Variants in NRXN3 observed in about 807,000 individuals in gnomAD.
NRXN3 encodes neurexin III.
Under a neutral mutation model 137.6 loss-of-function variants are expected in NRXN3, and 32 were observed. The observed-to-expected ratio is 0.23, with a 90% CI of 0.18 to 0.31. The LOEUF is 0.31. NRXN3 is among the 10% of genes least tolerant of loss of function. NRXN3 has a pLI of 1.00. For missense variants in NRXN3, 1,574 were observed against 2,062.5 expected (o/e 0.76, Z 4.59); for synonymous variants, 798 against 784.5 (o/e 1.02, Z -0.29).
chr14:78,585,240 G>A (rs1021783217), intron 4 of NRXN3, among the ~76,000 whole-genome samples: 3 of 152,050 alleles, frequency 2.0e-5, no homozygotes, highest in Admixed American at 1.3e-4. Flanking sequence ...GAGCCAAAAG[G>A]CTATCAGGGC....
chr14:79,287,681 T>C (rs187971253), intron 15 of NRXN3, among the ~76,000 whole-genome samples: 156 of 152,304 alleles, frequency 1.0e-3, no homozygotes, highest in African/African-American at 3.7e-3. Context: ...AAGCCTGAAT[T>C]TGAAACAGAA....
chr14:79,253,348 A>G (rs1446387421), intron 15 of NRXN3, among the ~76,000 whole-genome samples: 5 of 152,158 alleles, frequency 3.3e-5, no homozygotes, highest in Non-Finnish European at 5.9e-5. Context: ...TGTGGGGAAT[A>G]CAGTAAAAGC....
chr14:79,387,451 C>G (rs1291656129), intron 15 of NRXN3, among the ~76,000 whole-genome samples: 1 of 151,784 alleles, frequency 6.6e-6, no homozygotes, highest in Admixed American at 6.6e-5. Context: ...AGTTAGGAAA[C>G]AACAGATGCT....
At chr14:79,239,093 C>T (rs1013070708) in intron 15 of NRXN3, among the ~76,000 whole-genome samples, 3 of 151,886 alleles carry the variant, frequency 2.0e-5, no homozygotes, top group Admixed American at 6.6e-5. Flanking sequence ...TACATACATG[C>T]GTATATACAT....
intron 3 of NRXN3, among the ~76,000 whole-genome samples, chr14:78,288,185 G>A (rs900300647): frequency 1.3e-5 from 2 of 152,104 alleles, no homozygotes; most frequent in African/African-American, 4.8e-5. Flanking sequence ...TTGCCATGTT[G>A]GCCAAGCTGG....
At chr14:79,362,414 G>C (rs186869241) in intron 15 of NRXN3, among the ~76,000 whole-genome samples, 1 of 150,428 alleles carries the variant, frequency 6.6e-6, no homozygotes, top group African/African-American at 2.4e-5. Flanking sequence ...TAGCCTATTT[G>C]GAACGGTACT....
intron 15 of NRXN3, among the ~76,000 whole-genome samples, chr14:79,163,859 C>T (rs1292639463): frequency 6.6e-6 from 1 of 151,620 alleles, no homozygotes; most frequent in African/African-American, 2.4e-5. Flanking sequence ...GTACTTTTTT[C>T]TAAAAATAAT....
rs1297735312 is a variant in NRXN3 at position 79,344,905 on chromosome 14, CA to C, written c.3263-122315del. Among the ~76,000 whole-genome samples the C allele has an allele frequency of 3.3e-5, 5 of 152,204 alleles. No homozygotes were observed. The East Asian group carries it at 9.6e-4, about 29-fold the overall frequency. On this transcript the variant is annotated intron_variant, in intron 15 of 20. Transcript: ENST00000335750. ...AATCTGTGCTAAGATTTTTATGGCT[CA>C]GAGGGAAATATCATGGACTCTTTAT...
At chr14:79,473,003 T>C (rs1372597765) in intron 16 of NRXN3, among the ~76,000 whole-genome samples, 1 of 152,174 alleles carries the variant, frequency 6.6e-6, no homozygotes, top group Non-Finnish European at 1.5e-5. Context: ...CAGTAAATCC[T>C]CTTGGATTCA....
intron 4 of NRXN3, among the ~76,000 whole-genome samples, chr14:78,611,500 A>C (rs1466069058): frequency 6.6e-6 from 1 of 151,762 alleles, no homozygotes. Flanking sequence ...AATTATTTGC[A>C]TGATGACTTA....
intron 8 of NRXN3, among the ~76,000 whole-genome samples, chr14:78,772,663 A>C (rs1021522860): frequency 3.9e-5 from 6 of 152,194 alleles, no homozygotes; most frequent in African/African-American, 1.4e-4. Flanking sequence ...TTTTATTAAA[A>C]TGCAGATTCT....
chr14:79,501,814 G>T (rs2096828883), intron 16 of NRXN3, among the ~76,000 whole-genome samples: 1 of 151,956 alleles, frequency 6.6e-6, no homozygotes, highest in Admixed American at 6.6e-5. Flanking sequence ...CAGTTAAAAT[G>T]CTGGGAAGGC....
At chr14:79,037,059 C>T (rs2099617286) in intron 15 of NRXN3, among the ~76,000 whole-genome samples, 1 of 152,008 alleles carries the variant, frequency 6.6e-6, no homozygotes, top group Admixed American at 6.6e-5. Flanking sequence ...GTTTATAATT[C>T]ACCTGGGTTA....
At chr14:78,263,175 A>G (rs1031150547) in intron 2 of NRXN3, among the ~76,000 whole-genome samples, 3 of 152,192 alleles carry the variant, frequency 2.0e-5, no homozygotes, top group African/African-American at 7.2e-5. Flanking sequence ...GTAGTAGAGA[A>G]ATACAGTTAG....
At chr14:78,731,636 T>A (rs533864330) in intron 8 of NRXN3, among the ~76,000 whole-genome samples, 59 of 151,180 alleles carry the variant, frequency 3.9e-4, no homozygotes, top group Non-Finnish European at 7.7e-4. Context: ...TGTCTCTGTG[T>A]GTGTGTGTGT....
chr14:79,514,045 C>T (rs546652180), intron 16 of NRXN3, among the ~76,000 whole-genome samples: 8 of 152,204 alleles, frequency 5.3e-5, no homozygotes, highest in Non-Finnish European at 2.9e-5. Context: ...CTACATCATG[C>T]AACCTGCTTC....
chr14:79,391,949 G>C (rs2094860257), intron 15 of NRXN3, among the ~76,000 whole-genome samples: 1 of 152,088 alleles, frequency 6.6e-6, no homozygotes, highest in Non-Finnish European at 1.5e-5. Flanking sequence ...AGAGAGGGGG[G>C]ATTTCTTCAG....
At chr14:79,567,738 C>T (rs1240047523) in intron 16 of NRXN3, among the ~76,000 whole-genome samples, 1 of 151,934 alleles carries the variant, frequency 6.6e-6, no homozygotes, top group African/African-American at 2.4e-5. Context: ...AACAGAAGCC[C>T]TGTAAAAGTT....
chr14:79,143,628 A>G (rs888156974), intron 15 of NRXN3, among the ~76,000 whole-genome samples: 2 of 152,252 alleles, frequency 1.3e-5, no homozygotes, highest in South Asian at 4.1e-4. Context: ...ATACTGCAGA[A>G]TAAATATGAT....
Sources: allele counts gnomAD v4.1 joint callset (sites outside exome capture counted in the v4.1 genomes callset), GRCh38; gene constraint gnomAD v4.1.1; transcripts MANE v1.5; gene names NCBI Gene and HGNC (gene_info 2026-07-23, HGNC 2026-07-21).